Variants in CCDC93 observed in about 807,000 individuals in gnomAD.
CCDC93 encodes the protein CCC complex scaffolding subunit CCDC93.
In CCDC93, 61 loss-of-function variants were observed where a neutral mutation model predicts 108.2. The ratio of observed to expected loss-of-function variants is 0.56; its 90% CI spans 0.46 to 0.70. The LOEUF (loss-of-function observed/expected upper bound fraction) is 0.70, where lower values mean the gene tolerates loss of function less well. Ranked by LOEUF, CCDC93 falls within the 30% of genes least tolerant of loss-of-function variation. The probability of loss-of-function intolerance (pLI) is 0.00; values close to 1 mark genes in which losing one functional copy is unlikely to be tolerated. For synonymous variants in CCDC93, 276 were observed against 260.4 expected (o/e 1.06, Z -0.58); for missense variants, 685 against 764.2 (o/e 0.90, Z 1.22).
Position 117,939,028 on chromosome 2 carries a change from CCT to C in CCDC93, c.1604_1605del (p.Glu535AspfsTer2), listed in dbSNP as rs776595056. On this transcript the variant is annotated frameshift_variant and splice_region_variant, in exon 20 of 24. Transcript: ENST00000376300. LOFTEE classifies it high-confidence loss of function. ...CATTTTCTTTTTATAAATGTTCTTA[CCT>C]CTTTTTCCAAATAAACCTTTTTATC... ...LDDKKVYLEKEISLLNSIHEN... is the reference protein window; with the variant it reads ...LDDKKVYLEKXISLLNSIHEN... 6.5e-7 allele frequency: 1 copy of C among 1,536,672 alleles called. No individual in the cohort carries two copies. The highest frequency in any genetic ancestry group is 1.4e-5 in the African/African-American group (1 of 73,462).
At chr2:118,000,178 C>T (rs1680799401) in intron 4 of CCDC93, 1 of 152,232 alleles carries the variant, frequency 6.6e-6, no homozygotes, top group Admixed American at 6.5e-5. Context: ...GATAAACAAT[C>T]ACACACACAT....
chr2:117,951,476 A>G, intron 13 of CCDC93: 1 of 987,210 alleles, frequency 1.0e-6, no homozygotes. Flanking sequence ...TAAGTGCTAC[A>G]TATCGCTACA....
At chr2:117,927,755 A>T (rs1678172597) in intron 23 of CCDC93, among the ~76,000 whole-genome samples, 1 of 152,200 alleles carries the variant, frequency 6.6e-6, no homozygotes, top group South Asian at 2.1e-4. Context: ...ATTGGAAAAA[A>T]CTACTTTAAA....
chr2:117,917,859 T>G lies in CCDC93; in HGVS notation c.*2484A>C, dbSNP rs1677734932. 1 of 152,322 alleles carries G rather than the reference T, an allele frequency of 6.6e-6. No homozygotes were observed. Among genetic ancestry groups the G allele is most frequent in the Non-Finnish European group, 1.5e-5 (1 of 68,142 alleles). The allele number at this position is 152,322 out of a possible 1,614,324, so 9.4% of individuals were successfully genotyped here. On this transcript the variant is annotated 3_prime_UTR_variant, in exon 24 of 24. Transcript: ENST00000376300. The stretch of plus-strand genomic sequence containing the variant: ...CCCCAACCCAGAGGCTGGCGGAGAT[T>G]CCACAGCACTGGGCAGCCTGCCCGC...
At chr2:117,921,176 CAAAAA>C (rs34197714) in intron 23 of CCDC93, among the ~76,000 whole-genome samples, 1 of 76,018 alleles carries the variant, frequency 1.3e-5, no homozygotes, top group South Asian at 4.7e-4. Context: ...GGCTCTGTCT[CAAAAA>C]AAAAAAAAAA....
chr2:117,986,058 C>A lies in CCDC93; in HGVS notation c.531G>T (p.Lys177Asn). ...GGTGGCGTTTGTATTTCCGACGGGGCTTGTACACTTCCTAAGTGGATGAGA... is the reference window on the plus strand; with the variant it reads ...GGTGGCGTTTGTATTTCCGACGGGGATTGTACACTTCCTAAGTGGATGAGA... The part of the protein sequence containing the change: ...KTVVDLSEVY[K>N]PRRKYKRHQG... Residue 177 changes from lysine (K) to asparagine (N), a missense_variant, in exon 7 of 24, where the codon AAG becomes AAT. Lys to Asn is a moderately conservative substitution (Grantham distance 94, BLOSUM62 0). Transcript: ENST00000376300. 3 of 1,607,248 alleles carry A rather than the reference C, an allele frequency of 1.9e-6. No homozygotes were observed. The highest frequency in any genetic ancestry group is 2.7e-5 in the African/African-American group (2 of 74,758).
intron 23 of CCDC93, 86 bp from the exon 24 acceptor site, chr2:117,920,482 A>C: frequency 1.1e-6 from 1 of 907,054 alleles, no homozygotes; most frequent in Non-Finnish European, 1.7e-6. Flanking sequence ...CCCTTCCCAT[A>C]TCCCTATGGG....
Position 117,948,108 on chromosome 2 carries a change from A to C in CCDC93, c.1221T>G (p.Cys407Trp), listed in dbSNP as rs774975360. The change falls in exon 15 of 24, where the codon TGT (cysteine) becomes TGG (tryptophan). Residue 407 changes from cysteine (C) to tryptophan (W), a missense_variant. Cys to Trp is a radical substitution (Grantham distance 215, BLOSUM62 -2). Coordinates refer to ENST00000376300, the MANE Select transcript of CCDC93 (RefSeq NM_019044.5). Reference protein sequence around the residue: ...KSQEQEFKAHCREEMTRLQQE... With the variant: ...KSQEQEFKAHWREEMTRLQQE... ...GCTGACACCAAACAACACTTACTCG[A>C]CAATGTGCTTTAAATTCCTGTTCTT... 3.2e-5 allele frequency: 51 copies of C among 1,611,462 alleles called. No homozygotes were observed. Among genetic ancestry groups the C allele is most frequent in the Non-Finnish European group, 4.3e-5 (51 of 1,177,626 alleles).
Position 117,941,281 on chromosome 2 carries a change from T to G in CCDC93, c.1430A>C (p.Glu477Ala), listed in dbSNP as rs777035750. ...AATCTTGCGGTGCAAAATTGCTATT[T>G]CTCGATTTCTTCGAGCCTAAATGCA... ...IRLLQARRNR[E>A]IAILHRKIDE... is the part of the protein sequence containing the mutation. The change falls in exon 19 of 24, where the codon GAA becomes GCA. Residue 477 changes from glutamate to alanine, a missense_variant. Physicochemically the swap from Glu to Ala is moderately radical, Grantham distance 107. Coordinates refer to ENST00000376300, the MANE Select transcript of CCDC93 (RefSeq NM_019044.5). 4.3e-6 allele frequency: 7 copies of G among 1,613,508 alleles called. No homozygotes were observed. In the Admixed American group the frequency reaches 1.0e-4, roughly 23 times the overall value.
In CCDC93 at chr2:117,916,026, C is replaced by G. The variant is rs749502150; in HGVS notation, c.*4317G>C. On this transcript the variant is annotated 3_prime_UTR_variant, in exon 24 of 24. Coordinates refer to ENST00000376300, the MANE Select transcript of CCDC93 (RefSeq NM_019044.5). ...CAATGTTTCAACAAAAACTCTTGTACACAAGTACCTTGTACACAGGTACAA... is the reference window on the plus strand; with the variant it reads ...CAATGTTTCAACAAAAACTCTTGTAGACAAGTACCTTGTACACAGGTACAA... 1.3e-5 allele frequency: 2 copies of G among 152,242 alleles called. No homozygotes were observed. The highest frequency in any genetic ancestry group is 6.5e-5 in the Admixed American group (1 of 15,282). 9.4% of individuals were successfully genotyped at this position (152,242 alleles called of 1,614,324 possible).
chr2:117,918,672 C>A lies in CCDC93; in HGVS notation c.*1671G>T, dbSNP rs182324417. 1 of 152,392 alleles carries A rather than the reference C, an allele frequency of 6.6e-6. No homozygotes were observed. Among genetic ancestry groups the A allele is most frequent in the African/African-American group, 2.4e-5 (1 of 41,592 alleles). 9.4% of individuals were successfully genotyped at this position (152,392 alleles called of 1,614,324 possible). A position where few individuals can be genotyped will look rare whatever the true frequency, so the allele number is the denominator to read the frequency against. On this transcript the variant is annotated 3_prime_UTR_variant, in exon 24 of 24. Coordinates refer to ENST00000376300, the MANE Select transcript of CCDC93 (RefSeq NM_019044.5). Reference sequence around the variant, plus strand: ...CAAACTTCTGTCTCCTTCCCCTGCCCTCAGAGTGCCACCTGTTCTTTTGCA... The same window carrying A: ...CAAACTTCTGTCTCCTTCCCCTGCCATCAGAGTGCCACCTGTTCTTTTGCA...
intron 20 of CCDC93, 88 bp from the exon 21 acceptor site, chr2:117,936,827 C>T: frequency 1.0e-6 from 1 of 965,952 alleles, no homozygotes; most frequent in Non-Finnish European, 1.7e-6. Context: ...CCTGTCTCCA[C>T]ATACTGCTTC....
chr2:117,993,571 C>G (rs1197129957), intron 6 of CCDC93, among the ~76,000 whole-genome samples: 1 of 152,128 alleles, frequency 6.6e-6, no homozygotes, highest in Non-Finnish European at 1.5e-5. Flanking sequence ...TGCTGCTGGC[C>G]TAGCAATTTC....
At chr2:117,975,143 A>G in intron 9 of CCDC93, 45 bp downstream of exon 9, 1 of 1,522,588 alleles carries the variant, frequency 6.6e-7, no homozygotes, top group South Asian at 1.1e-5. Context: ...TTTCTCCCAA[A>G]ATGACTTACA....
At chr2:117,975,008 A>G in intron 9 of CCDC93, 108 bp from the exon 10 acceptor site, 1 of 1,108,238 alleles carries the variant, frequency 9.0e-7, no homozygotes. Context: ...GTCTTCCTTG[A>G]TCTCGTCTTA....
At chr2:117,983,785 G>A (rs1454786926) in intron 7 of CCDC93, among the ~76,000 whole-genome samples, 1 of 152,004 alleles carries the variant, frequency 6.6e-6, no homozygotes, top group Non-Finnish European at 1.5e-5. Context: ...CCTTCCCAGG[G>A]AGGTGGAATA....
chr2:117,970,101 A>C (rs1002736210), intron 11 of CCDC93, among the ~76,000 whole-genome samples: 4 of 152,230 alleles, frequency 2.6e-5, no homozygotes, highest in African/African-American at 9.6e-5. Flanking sequence ...GCACTGACAA[A>C]ACAAAAACAA....
chr2:117,944,767 C>T (rs1221340985), intron 17 of CCDC93: 1 of 471,078 alleles, frequency 2.1e-6, no homozygotes, highest in African/African-American at 2.0e-5. Context: ...ATCCAACAGA[C>T]TTCACTGGAA....
intron 12 of CCDC93, among the ~76,000 whole-genome samples, chr2:117,957,096 G>A (rs537042770): frequency 8.7e-4 from 132 of 152,164 alleles, no homozygotes; most frequent in African/African-American, 2.9e-3. Flanking sequence ...CTCCAAGTTG[G>A]TTAGGCTGCT....
Sources: allele counts gnomAD v4.1 joint callset (sites outside exome capture counted in the v4.1 genomes callset), GRCh38; gene constraint gnomAD v4.1.1; transcripts MANE v1.5; gene names NCBI Gene and HGNC (gene_info 2026-07-23, HGNC 2026-07-21).